STK32C: variants seen among roughly 807,000 people sequenced by gnomAD.
The protein encoded by STK32C is serine/threonine kinase 32C, also known as serine/threonine-protein kinase 32C.
In STK32C, 31 loss-of-function variants were observed where a neutral mutation model predicts 56.5. That is an observed-to-expected ratio of 0.55 (90% CI 0.41 to 0.74). The LOEUF (loss-of-function observed/expected upper bound fraction) is 0.74, where lower values mean the gene tolerates loss of function less well. STK32C is among the 30% of genes least tolerant of loss of function. STK32C has a pLI of 0.00. For synonymous variants in STK32C, 309 were observed against 289.4 expected (o/e 1.07, Z -0.69); for missense variants, 544 against 676.9 (o/e 0.80, Z 2.18).
At chr10:132,216,633 T>C (rs1193557789) in intron 10 of STK32C, among the ~76,000 whole-genome samples, 6 of 151,992 alleles carry the variant, frequency 3.9e-5, no homozygotes, top group Non-Finnish European at 7.4e-5. Context: ...CTCAGAGGCC[T>C]AGGAGGAAAA....
At chr10:132,263,877 A>G in intron 1 of STK32C, among the ~76,000 whole-genome samples, 1 of 151,956 alleles carries the variant, frequency 6.6e-6, no homozygotes, top group Admixed American at 6.6e-5. Context: ...AAAAAAAAAA[A>G]AAAAAAAGTT....
At chr10:132,244,309 C>T (rs1000170700) in intron 2 of STK32C, among the ~76,000 whole-genome samples, 1 of 152,248 alleles carries the variant, frequency 6.6e-6, no homozygotes, top group Non-Finnish European at 1.5e-5. Flanking sequence ...TCCACAGCCG[C>T]CCATTTCTGG....
intron 1 of STK32C, among the ~76,000 whole-genome samples, chr10:132,253,574 GGAGGGAGCTGGAGGGAGCC>G (rs1329282383): frequency 2.7e-4 from 35 of 127,886 alleles, no homozygotes; most frequent in Middle Eastern, 5.1e-3. Flanking sequence ...CGAGGGAGCT[GGAGGGAGCTGGAGGGAGCC>G]GAGGGAGCTG....
chr10:132,215,879 T>C (rs1377481020), intron 10 of STK32C, among the ~76,000 whole-genome samples: 2 of 152,208 alleles, frequency 1.3e-5, no homozygotes, highest in Non-Finnish European at 2.9e-5. Context: ...GATAATGATA[T>C]GGACAATGAA....
At chr10:132,225,194 G>C (rs375311948) in intron 7 of STK32C, 39 bp downstream of exon 7, 1 of 1,527,114 alleles carries the variant, frequency 6.5e-7, no homozygotes, top group African/African-American at 1.4e-5. Context: ...GAGAGCAGGG[G>C]CCTGGCAGCC....
chr10:132,319,675 T>C (rs930012011), downstream of STK32C, among the ~76,000 whole-genome samples: 10 of 152,172 alleles, frequency 6.6e-5, no homozygotes, highest in Non-Finnish European at 1.0e-4. Flanking sequence ...GAGAGCGGAA[T>C]GGACTGCAGA....
rs563174667 is a variant in STK32C at position 132,255,740 on chromosome 10, G to A, written c.263-9785C>T. 1.3e-5 allele frequency among the ~76,000 whole-genome samples: 2 copies of A among 152,304 alleles called. No homozygotes were observed. Among genetic ancestry groups the A allele is most frequent in the Non-Finnish European group, 2.9e-5 (2 of 68,010 alleles). The stretch of plus-strand genomic sequence containing the variant: ...AGATCAGGAGAGGGGATGAGGGTGT[G>A]GGTGCCGGCCTCTGACCCTGGACTC... On this transcript the variant is annotated intron_variant, in intron 1 of 11. Coordinates refer to ENST00000298630, the MANE Select transcript of STK32C (RefSeq NM_173575.4). This position sits in a 1 kb window ranked among gnomAD's most constrained non-coding sequence, Gnocchi z 4.6.
chr10:132,282,594 G>A (rs2065249519), intron 1 of STK32C, among the ~76,000 whole-genome samples: 1 of 152,168 alleles, frequency 6.6e-6, no homozygotes, highest in Non-Finnish European at 1.5e-5. Context: ...GCTTCACCAG[G>A]GGAAGTGACA....
chr10:132,302,920 G>A (rs1019640906), intron 1 of STK32C, among the ~76,000 whole-genome samples: 2 of 152,164 alleles, frequency 1.3e-5, no homozygotes, highest in Admixed American at 1.3e-4. Flanking sequence ...CCAAGGCAAC[G>A]TGACAGACCA....
intron 1 of STK32C, among the ~76,000 whole-genome samples, chr10:132,277,263 GGAGA>G (rs1331979842): frequency 6.6e-6 from 1 of 152,156 alleles, no homozygotes; most frequent in East Asian, 1.9e-4. Flanking sequence ...GAGAGCCGCT[GGAGA>G]GAGAGCCAGG....
intron 1 of STK32C, among the ~76,000 whole-genome samples, chr10:132,289,061 T>C (rs1489608871): frequency 6.6e-6 from 1 of 152,102 alleles, no homozygotes; most frequent in Non-Finnish European, 1.5e-5. Flanking sequence ...AGATTTACTA[T>C]AAAGCTACAA....
At chr10:132,324,061 C>T in exon 2 of STK32C, 2 of 603,924 alleles carry the variant, frequency 3.3e-6, no homozygotes, top group Admixed American at 2.9e-5. Flanking sequence ...TAAACCCCAC[C>T]TCCCAACACA....
intron 1 of STK32C, among the ~76,000 whole-genome samples, chr10:132,303,183 A>ACC (rs2065960135): frequency 6.6e-6 from 1 of 152,218 alleles, no homozygotes; most frequent in African/African-American, 2.4e-5. Context: ...AGATCCCTAC[A>ACC]GGGGGAAACA....
chr10:132,246,405 G>C (rs907565996), intron 1 of STK32C, among the ~76,000 whole-genome samples: 1 of 152,204 alleles, frequency 6.6e-6, no homozygotes, highest in Non-Finnish European at 1.5e-5. Context: ...ACCCTGCTCC[G>C]CGTCTCCAGA....
chr10:132,267,508 C>CGT (rs71472734), intron 1 of STK32C, among the ~76,000 whole-genome samples: 1 of 147,360 alleles, frequency 6.8e-6, no homozygotes. Context: ...TGTCCCACAT[C>CGT]GTGTGTGTGT....
At chr10:132,244,724 A>ACG (rs1167948598) in intron 2 of STK32C, among the ~76,000 whole-genome samples, 1 of 152,036 alleles carries the variant, frequency 6.6e-6, no homozygotes, top group East Asian at 1.9e-4. Flanking sequence ...GCCAGAGGGG[A>ACG]GCAGTCCCCC....
rs181639532 is a variant in STK32C, at chr10:132,223,138, G to A, written c.994-152C>T. 4.3e-4 allele frequency: 446 copies of A among 1,042,916 alleles called. 1 individual carries two copies. The highest frequency in any genetic ancestry group is 3.1e-4 in the Non-Finnish European group (232 of 738,150). The allele number at this position is 1,042,916 out of a possible 1,614,324, so 64.6% of individuals were successfully genotyped here. ...TCAGGGCCACGCGAGGAAGGGTGGT[G>A]CCGACGGCCGACATCAGGCAAAGCA... is the stretch of plus-strand genomic sequence containing the variant. On this transcript the variant is annotated intron_variant, in intron 8 of 11. Coordinates refer to ENST00000298630, the MANE Select transcript of STK32C (RefSeq NM_173575.4).
Position 132,249,057 on chromosome 10 carries a change from A to AGGC in STK32C, c.263-3105_263-3103dup, listed in dbSNP as rs774752263. 19 of 476,566 alleles carry AGGC rather than the reference A, an allele frequency of 4.0e-5. No homozygotes were observed. The Admixed American group carries it at 4.0e-4, about 10-fold the overall frequency. 29.5% of individuals were successfully genotyped at this position (476,566 alleles called of 1,614,324 possible). On this transcript the variant is annotated intron_variant, in intron 1 of 11. Transcript: ENST00000298630. ...GCAAAGCCTCCCGACTGTGCGACGGAGGCGGCGGCTCCGGCAGAGGCTCCC... is the reference window on the plus strand; with the variant it reads ...GCAAAGCCTCCCGACTGTGCGACGGAGGCGGCGGCGGCTCCGGCAGAGGCTCCC...
At chr10:132,308,049 T>A (rs1193913015), upstream of STK32C, 2 of 675,048 alleles carry the variant, frequency 3.0e-6, no homozygotes, top group Non-Finnish European at 3.5e-6. Context: ...CTGGAAGGGG[T>A]CGAGGCGGAG....
Sources: gnomAD v4.1 joint callset for allele counts (sites outside exome capture counted in the v4.1 genomes callset) on GRCh38, gnomAD v4.1.1 for gene constraint, Gnocchi (gnomAD v3.1) non-coding constraint, MANE v1.5 for transcripts, NCBI Gene and HGNC (gene_info 2026-07-23, HGNC 2026-07-21) for gene names.